Variants in KIF6 observed in about 807,000 individuals in gnomAD.
KIF6 encodes kinesin-like protein KIF6.
A neutral mutation model predicts 112.7 loss-of-function variants in KIF6; 106 were observed. The ratio of observed to expected loss-of-function variants is 0.94; its 90% CI spans 0.80 to 1.11. KIF6 has a LOEUF of 1.11. KIF6 is among the 50% of genes least tolerant of loss of function. The pLI is 0.00. For synonymous variants in KIF6, 339 were observed against 339.9 expected, an observed-to-expected ratio of 1.00 and a Z score of 0.03; for missense variants, 929 against 964.0, an observed-to-expected ratio of 0.96 and a Z score of 0.48.
intron 8 of KIF6, 90 bp downstream of exon 8, chr6:39,586,171 T>C (rs1781618150): frequency 7.3e-7 from 1 of 1,373,864 alleles, no homozygotes; most frequent in Non-Finnish European, 1.0e-6. Context: ...CAGCTGAAAA[T>C]GTAGAAACCC....
chr6:39,647,053 C>T (rs542917339), intron 3 of KIF6, among the ~76,000 whole-genome samples: 22 of 152,302 alleles, frequency 1.4e-4, no homozygotes, highest in African/African-American at 5.3e-4. Context: ...TGCATAAATT[C>T]AGTAGCTTAA....
Position 39,596,213 on chromosome 6 carries a change from A to T in KIF6, c.687T>A (p.Ile229=). The change falls in exon 7 of 23, where the codon ATT becomes ATA. Residue 229 remains isoleucine (I), a synonymous_variant. Transcript: ENST00000287152. ...ASTRSHCIFT[I]HLSSKEPGSA... ...ATCCTGGTTCCTTGCTTGACAAATG[A>T]ATGGTGAAAATGCAGTGGGAACGGG... is the stretch of plus-strand genomic sequence containing the variant. The T allele has an allele frequency of 6.2e-7, 1 of 1,614,096 alleles. No individual in the cohort carries two copies. The highest frequency in any genetic ancestry group is 8.5e-7 in the Non-Finnish European group (1 of 1,179,970).
At chr6:39,613,426 T>C (rs1221088146) in intron 5 of KIF6, 108 bp from the exon 6 acceptor site, 3 of 679,278 alleles carry the variant, frequency 4.4e-6, no homozygotes, top group African/African-American at 1.9e-5. Context: ...CTTGAACTTA[T>C]AAAAGCAAAT....
chr6:39,628,429 G>A (rs1391091207), intron 5 of KIF6, among the ~76,000 whole-genome samples: 1 of 152,012 alleles, frequency 6.6e-6, no homozygotes. Context: ...TTTATCATAT[G>A]GGTAGCTTTG....
intron 13 of KIF6, among the ~76,000 whole-genome samples, chr6:39,456,835 T>C (rs1278118860): frequency 1.4e-5 from 2 of 147,062 alleles, no homozygotes; most frequent in Admixed American, 6.8e-5. Context: ...CCTAAATATA[T>C]ATGCACCCAA....
At chr6:39,423,440 C>T (rs576288453) in intron 14 of KIF6, among the ~76,000 whole-genome samples, 4 of 152,034 alleles carry the variant, frequency 2.6e-5, no homozygotes, top group Admixed American at 6.5e-5. Context: ...TGATAATCCA[C>T]AGGATTTTGT....
At chr6:39,510,619 A>G (rs560444477) in intron 13 of KIF6, among the ~76,000 whole-genome samples, 7 of 152,262 alleles carry the variant, frequency 4.6e-5, no homozygotes, top group Non-Finnish European at 1.0e-4. Context: ...CATCGACGCT[A>G]TGAAGAAACT....
At chr6:39,437,143 T>C (rs1328044778) in intron 13 of KIF6, among the ~76,000 whole-genome samples, 2 of 152,204 alleles carry the variant, frequency 1.3e-5, no homozygotes, top group East Asian at 1.9e-4. Context: ...GTAAAAGGGA[T>C]TGAGTTCTTC....
chr6:39,637,080 C>T (rs576697554), intron 4 of KIF6, among the ~76,000 whole-genome samples: 53 of 151,908 alleles, frequency 3.5e-4, no homozygotes, highest in African/African-American at 1.2e-3. Flanking sequence ...TTTCTAGAAG[C>T]CTTCAAATGG....
At chr6:39,711,093 A>G (rs1162791143) in intron 3 of KIF6, among the ~76,000 whole-genome samples, 1 of 150,666 alleles carries the variant, frequency 6.6e-6, no homozygotes, top group Non-Finnish European at 1.5e-5. Flanking sequence ...TTAAAAAAAA[A>G]AGAAAGAATT....
chr6:39,351,106 A>G (rs570368268), intron 19 of KIF6, among the ~76,000 whole-genome samples: 4 of 149,296 alleles, frequency 2.7e-5, no homozygotes, highest in Non-Finnish European at 4.4e-5. Flanking sequence ...CTCTGGGAGC[A>G]GGATTTTTGG....
At position 39,489,059 on chromosome 6, in the gene KIF6, T is replaced by C. The variant is rs186489098; in HGVS notation, c.1645+50944A>G. Among the ~76,000 whole-genome samples the C allele has an allele frequency of 1.2e-3, 186 of 152,282 alleles. 1 individual carries two copies. In the Middle Eastern group the frequency reaches 0.017, roughly 14 times the overall value. On this transcript the variant is annotated intron_variant, in intron 13 of 22. Coordinates refer to ENST00000287152, the MANE Select transcript of KIF6 (RefSeq NM_145027.6). ...ACATCAATTTTAAGTTCAGGGAAAATGTTTGAAATCTAAGGCTTTTTAAAA... is the reference window on the plus strand; with the variant it reads ...ACATCAATTTTAAGTTCAGGGAAAACGTTTGAAATCTAAGGCTTTTTAAAA...
intron 13 of KIF6, among the ~76,000 whole-genome samples, chr6:39,449,654 G>A (rs17352709): frequency 2.0e-5 from 3 of 152,120 alleles, no homozygotes; most frequent in African/African-American, 7.2e-5. Flanking sequence ...CTCCTCAGAG[G>A]CTAACCTGTC....
At chr6:39,437,676 G>A (rs577885566) in intron 13 of KIF6, among the ~76,000 whole-genome samples, 1 of 152,286 alleles carries the variant, frequency 6.6e-6, no homozygotes, top group Admixed American at 6.5e-5. Context: ...CACCATTAGA[G>A]ATGAATTCCA....
intron 3 of KIF6, among the ~76,000 whole-genome samples, chr6:39,661,360 C>T (rs913698243): frequency 6.6e-6 from 1 of 152,160 alleles, no homozygotes; most frequent in African/African-American, 2.4e-5. Flanking sequence ...TTGTCAAAAA[C>T]ACATCATGTC....
At chr6:39,485,265 A>G (rs901320127) in intron 13 of KIF6, among the ~76,000 whole-genome samples, 2 of 152,310 alleles carry the variant, frequency 1.3e-5, no homozygotes, top group Admixed American at 6.5e-5. Context: ...AGGAAAGAAG[A>G]AAGCTCTGGA....
At chr6:39,535,181 C>G (rs1254013288) in intron 13 of KIF6, among the ~76,000 whole-genome samples, 2 of 152,168 alleles carry the variant, frequency 1.3e-5, no homozygotes, top group Non-Finnish European at 2.9e-5. Flanking sequence ...CAGCTGACAT[C>G]ATAATGACAG....
At chr6:39,363,407 G>A (rs1181112290) in intron 16 of KIF6, among the ~76,000 whole-genome samples, 4 of 152,176 alleles carry the variant, frequency 2.6e-5, no homozygotes, top group Admixed American at 2.6e-4. Flanking sequence ...GGGGAGGGCT[G>A]AGCACGTCAG....
intron 13 of KIF6, among the ~76,000 whole-genome samples, chr6:39,443,075 T>C (rs3933269): frequency 0.09 from 13,456 of 149,718 alleles, 818 homozygotes; most frequent in African/African-American, 0.17. Flanking sequence ...GATCACGCCA[T>C]TGCACTCCAG....
Sources: gnomAD v4.1 joint callset for allele counts (sites outside exome capture counted in the v4.1 genomes callset) on GRCh38, gnomAD v4.1.1 for gene constraint, MANE v1.5 for transcripts, NCBI Gene and HGNC (gene_info 2026-07-23, HGNC 2026-07-21) for gene names.